SIRT4: variants seen among roughly 807,000 people sequenced by gnomAD.
SIRT4 encodes the protein NAD-dependent protein lipoamidase sirtuin-4, mitochondrial.
In SIRT4, 23 loss-of-function variants were observed where a neutral mutation model predicts 26.1. The observed-to-expected ratio is 0.88, with a 90% CI of 0.63 to 1.25. The LOEUF (loss-of-function observed/expected upper bound fraction) is 1.25. Among genes scored for constraint, SIRT4 ranks in the 50% most tolerant of loss-of-function variants. The pLI, the probability that SIRT4 is intolerant of heterozygous loss-of-function variation, is 0.00. For missense variants in SIRT4, 361 were observed against 405.4 expected (o/e 0.89, Z 0.94); for synonymous variants, 155 against 158.4 (o/e 0.98, Z 0.16).
the SIRT4 span, chr12:120,293,357 G>A: frequency 1.3e-5 from 2 of 152,280 alleles, no homozygotes; most frequent in Non-Finnish European, 1.5e-5. Context: ...TACAATCATA[G>A]AAAGATGTTT....
chr12:120,307,164 A>G (rs1179813796), intron 2 of SIRT4, among the ~76,000 whole-genome samples: 1 of 152,328 alleles, frequency 6.6e-6, no homozygotes, highest in East Asian at 1.9e-4. Flanking sequence ...GTAGTACATT[A>G]TAACACTAAC....
At chr12:120,303,049 A>T (rs1872603679) in intron 1 of SIRT4, among the ~76,000 whole-genome samples, 1 of 151,986 alleles carries the variant, frequency 6.6e-6, no homozygotes, top group Non-Finnish European at 1.5e-5. Flanking sequence ...AGAAAAGCTG[A>T]CGGGCAGGGG....
intron 2 of SIRT4, among the ~76,000 whole-genome samples, chr12:120,305,928 C>T (rs1432811643): frequency 1.3e-5 from 2 of 150,550 alleles, no homozygotes; most frequent in African/African-American, 4.9e-5. Context: ...AGGAGAATGG[C>T]GTGAACCTGG....
Position 120,312,658 on chromosome 12 carries a change from T to C in SIRT4, c.700T>C (p.Phe234Leu). ...GGHLKPDVVF[F>L]GDTVNPDKVD... ...CCATCTGAAACCAGATGTCGTTTTC[T>C]TCGGGGACACAGTGAACCCTGACAA... The change falls in exon 3 of 4, where the codon TTC becomes CTC. Residue 234 changes from phenylalanine (F) to leucine (L), a missense_variant. Coordinates refer to ENST00000202967, the MANE Select transcript of SIRT4 (RefSeq NM_012240.3). 1 of 1,614,128 alleles carries C rather than the reference T, an allele frequency of 6.2e-7. No individual in the cohort carries two copies. The highest frequency in any genetic ancestry group is 1.1e-5 in the South Asian group (1 of 91,086).
Position 120,312,884 on chromosome 12 carries a change from G to A in SIRT4, c.793G>A (p.Val265Ile), listed in dbSNP as rs1358668108. 7 of 1,614,014 alleles carry A rather than the reference G, an allele frequency of 4.3e-6. No homozygotes were observed. The highest frequency in any genetic ancestry group is 5.9e-6 in the Non-Finnish European group (7 of 1,180,032). Residue 265 changes from valine to isoleucine, a missense_variant and splice_region_variant, in exon 4 of 4, where the codon GTA becomes ATA. Physicochemically the swap from Val to Ile is conservative, Grantham distance 29 (BLOSUM62 3). Coordinates refer to ENST00000202967, the MANE Select transcript of SIRT4 (RefSeq NM_012240.3). ...SLLVVGSSLQ[V>I]YSGYRFILTA... is the part of the protein sequence containing the mutation. Reference sequence around the variant, plus strand: ...TTATGTGTGTCTTTTCTCCGTGCAGGTATACTCTGGTTACAGGTTTATCCT... The same window carrying A: ...TTATGTGTGTCTTTTCTCCGTGCAGATATACTCTGGTTACAGGTTTATCCT...
chr12:120,309,714 CTTTT>C (rs564627080), intron 2 of SIRT4, among the ~76,000 whole-genome samples: 5 of 111,108 alleles, frequency 4.5e-5, no homozygotes, highest in East Asian at 2.6e-4. Flanking sequence ...TGCCCGCTTT[CTTTT>C]TTTTTTTTTT....
chr12:120,292,532 C>A, the SIRT4 span, among the ~76,000 whole-genome samples: 3 of 152,136 alleles, frequency 2.0e-5, no homozygotes, highest in African/African-American at 7.2e-5. Flanking sequence ...TGAACCCGGG[C>A]GGCAGTTTGC....
chr12:120,297,015 G>C, the SIRT4 span, among the ~76,000 whole-genome samples: 1 of 150,922 alleles, frequency 6.6e-6, no homozygotes, highest in Admixed American at 6.6e-5. Flanking sequence ...ACAAGGTCAG[G>C]AGTTCAAGAC....
intron 2 of SIRT4, among the ~76,000 whole-genome samples, chr12:120,305,779 G>C (rs1357661827): frequency 6.6e-6 from 1 of 152,218 alleles, no homozygotes; most frequent in Non-Finnish European, 1.5e-5. Flanking sequence ...TTGGGAGGCT[G>C]AGGCAGGCGG....
upstream of SIRT4, among the ~76,000 whole-genome samples, chr12:120,298,690 C>T (rs960345123): frequency 2.0e-5 from 3 of 148,456 alleles, no homozygotes; most frequent in Non-Finnish European, 4.5e-5. Context: ...GGGCGGATCG[C>T]GAGGTCAGGA....
the SIRT4 span, among the ~76,000 whole-genome samples, chr12:120,292,915 C>CTTTCT: frequency 6.6e-6 from 1 of 152,232 alleles, no homozygotes; most frequent in East Asian, 1.9e-4. Context: ...GCAACTCCAA[C>CTTTCT]TTTCATAAAC....
At chr12:120,293,364 G>A in the SIRT4 span, 1 of 152,176 alleles carries the variant, frequency 6.6e-6, no homozygotes, top group Non-Finnish European at 1.5e-5. Context: ...ATAGAAAGAT[G>A]TTTGTGACCT....
At chr12:120,303,535 C>T in intron 1 of SIRT4, 26 bp from the exon 2 acceptor site, 1 of 1,550,262 alleles carries the variant, frequency 6.5e-7, no homozygotes, top group Non-Finnish European at 8.7e-7. Flanking sequence ...ACCCCAGTTT[C>T]TCACATGAGG....
chr12:120,304,662 G>A (rs1480814118), intron 2 of SIRT4, among the ~76,000 whole-genome samples: 1 of 150,138 alleles, frequency 6.7e-6, no homozygotes, highest in Middle Eastern at 3.4e-3. Context: ...AAAAAAAAAA[G>A]TTGAGGATGG....
chr12:120,310,028 T>A (rs776054139), intron 2 of SIRT4, among the ~76,000 whole-genome samples: 3 of 152,074 alleles, frequency 2.0e-5, no homozygotes, highest in Non-Finnish European at 2.9e-5. Flanking sequence ...GGCCTTTTTT[T>A]CTTTTTTAGA....
chr12:120,299,198 G>A (rs986114567), upstream of SIRT4, among the ~76,000 whole-genome samples: 1 of 149,696 alleles, frequency 6.7e-6, no homozygotes, highest in African/African-American at 2.4e-5. Context: ...TCCAGCCTGG[G>A]CGACAGAGCG....
chr12:120,298,908 A>AAAATAAAT (rs34954726), upstream of SIRT4, among the ~76,000 whole-genome samples: 62,571 of 127,126 alleles, frequency 0.49, 16,891 homozygotes, highest in East Asian at 0.61. Flanking sequence ...TCCGTCTCAA[A>AAAATAAAT]AAATAAATAA....
chr12:120,305,967 G>A (rs1388782889), intron 2 of SIRT4, among the ~76,000 whole-genome samples: 4 of 150,300 alleles, frequency 2.7e-5, no homozygotes, highest in Admixed American at 6.7e-5. Context: ...AGCCGAGATC[G>A]CGCCACTGCA....
chr12:120,291,915 GTT>G, the SIRT4 span: 1 of 151,392 alleles, frequency 6.6e-6, no homozygotes, highest in African/African-American at 2.4e-5. Context: ...GAAAGGTTCT[GTT>G]CGCGCCCCGC....
Sources: gnomAD v4.1 joint callset for allele counts (sites outside exome capture counted in the v4.1 genomes callset) on GRCh38, gnomAD v4.1.1 for gene constraint, MANE v1.5 for transcripts, NCBI Gene and HGNC (gene_info 2026-07-23, HGNC 2026-07-21) for gene names.